MYT1L: variants seen among roughly 807,000 people sequenced by gnomAD.
MYT1L encodes the protein myelin transcription factor 1 like.
MYT1L carries 12 observed loss-of-function variants against 126.7 expected under a neutral mutation model. That is an observed-to-expected ratio of 0.09 (90% CI 0.06 to 0.15). The LOEUF (loss-of-function observed/expected upper bound fraction) is 0.15. Ranked by LOEUF, MYT1L falls within the 10% of genes least tolerant of loss-of-function variation. The pLI is 1.00. For missense variants in MYT1L, 979 were observed against 1,585.2 expected, an observed-to-expected ratio of 0.62 and a Z score of 6.49; for synonymous variants, 541 against 604.2, an observed-to-expected ratio of 0.90 and a Z score of 1.53.
chr2:1,898,696 C>T (rs898482651), intron 14 of MYT1L, among the ~76,000 whole-genome samples: 18 of 152,192 alleles, frequency 1.2e-4, no homozygotes, highest in African/African-American at 3.1e-4. Context: ...GCTCCATGGA[C>T]GCAGGCAGCT....
chr2:1,982,304 C>T (rs1017748009), intron 5 of MYT1L, among the ~76,000 whole-genome samples: 2 of 152,126 alleles, frequency 1.3e-5, no homozygotes, highest in Admixed American at 6.5e-5. Flanking sequence ...TCCCAGGGTC[C>T]CCTGCCTTTG....
chr2:2,020,385 G>A (rs546310055), intron 4 of MYT1L, among the ~76,000 whole-genome samples: 160 of 152,218 alleles, frequency 1.1e-3, no homozygotes, highest in Non-Finnish European at 1.7e-3. Context: ...CCAAGGAGTC[G>A]CCCTTCAGAG....
intron 4 of MYT1L, among the ~76,000 whole-genome samples, chr2:2,026,438 G>A (rs377023155): frequency 4.6e-5 from 7 of 152,278 alleles, no homozygotes; most frequent in African/African-American, 1.7e-4. Context: ...TTCTAGCAGG[G>A]GTGGCCCGGG....
chr2:1,917,104 C>T lies in MYT1L; in HGVS notation c.1618+101G>A. ...GTAGGGGCCTAGTTAAATCAGGTCG[C>T]ACCGAGCCGTACAATGGAGATGATG... On this transcript the variant is annotated intron_variant, in intron 11 of 24. Transcript: ENST00000647738. This position sits in a 1 kb window ranked among gnomAD's most constrained non-coding sequence, Gnocchi z 5.9. 7.1e-7 allele frequency: 1 copy of T among 1,406,860 alleles called. No homozygotes were observed. Among genetic ancestry groups the T allele is most frequent in the Non-Finnish European group, 9.6e-7 (1 of 1,041,586 alleles). 87.1% of individuals were successfully genotyped at this position (1,406,860 alleles called of 1,614,324 possible). A position where few individuals can be genotyped will look rare whatever the true frequency, so the allele number is the denominator to read the frequency against.
intron 5 of MYT1L, among the ~76,000 whole-genome samples, chr2:1,983,769 C>T (rs1008875516): frequency 6.6e-6 from 1 of 152,228 alleles, no homozygotes; most frequent in Non-Finnish European, 1.5e-5. Flanking sequence ...GCTTCACTTA[C>T]TGAACCCGTG....
At chr2:1,861,568 TG>T (rs934599290) in intron 18 of MYT1L, among the ~76,000 whole-genome samples, 6 of 151,916 alleles carry the variant, frequency 3.9e-5, no homozygotes, top group South Asian at 2.1e-4. Flanking sequence ...AATCGGGGTT[TG>T]GGGGGGTGTT....
intron 2 of MYT1L, among the ~76,000 whole-genome samples, chr2:2,175,274 G>A (rs1039401974): frequency 6.6e-6 from 1 of 152,084 alleles, no homozygotes; most frequent in Non-Finnish European, 1.5e-5. Context: ...TTTTCCTGGA[G>A]GTATCAGCAT....
intron 2 of MYT1L, among the ~76,000 whole-genome samples, chr2:2,204,410 T>C (rs2093222097): frequency 6.7e-6 from 1 of 149,764 alleles, no homozygotes; most frequent in Non-Finnish European, 1.5e-5. Flanking sequence ...CAAACAAATT[T>C]ACAAGAAAAA....
chr2:2,303,243 G>C (rs184564722), intron 1 of MYT1L, among the ~76,000 whole-genome samples: 6 of 152,174 alleles, frequency 3.9e-5, no homozygotes, highest in Non-Finnish European at 8.8e-5. Context: ...AAAGCGGATC[G>C]CTCAACTTTG....
chr2:1,886,647 A>G (rs1432393212), intron 17 of MYT1L, 40 bp from the exon 18 acceptor site: 4 of 1,395,512 alleles, frequency 2.9e-6, no homozygotes, highest in Non-Finnish European at 3.8e-6. Flanking sequence ...GTCAACTGCG[A>G]AGCGCGTAAC....
At chr2:2,277,999 A>C (rs1214832026) in intron 2 of MYT1L, among the ~76,000 whole-genome samples, 1 of 152,232 alleles carries the variant, frequency 6.6e-6, no homozygotes, top group African/African-American at 2.4e-5. Context: ...TGGTTGCAAA[A>C]TAGAAAAGGT....
intron 3 of MYT1L, among the ~76,000 whole-genome samples, chr2:2,161,409 TG>T (rs1430783030): frequency 6.6e-6 from 1 of 152,248 alleles, no homozygotes; most frequent in Non-Finnish European, 1.5e-5. Context: ...CATGCTCACT[TG>T]GATTTGCTTC....
intron 1 of MYT1L, among the ~76,000 whole-genome samples, chr2:2,328,625 C>A (rs1301600433): frequency 2.0e-5 from 3 of 152,192 alleles, no homozygotes; most frequent in Non-Finnish European, 4.4e-5. Context: ...GTGTGTCATG[C>A]ATACTTTCTA....
At chr2:2,058,257 C>T (rs1167952629) in intron 3 of MYT1L, among the ~76,000 whole-genome samples, 2 of 151,998 alleles carry the variant, frequency 1.3e-5, no homozygotes, top group Admixed American at 6.6e-5. Flanking sequence ...TGTCTTTTGC[C>T]CATTTTCTTA....
chr2:2,317,581 C>T lies in MYT1L; in HGVS notation c.-521+13386G>A, dbSNP rs1445394323. ...TCTAGGTTGACTATGTGTGGAAAAT[C>T]TCACTTAGAAAATTAAAAAAGACAA... On this transcript the variant is annotated intron_variant, in intron 1 of 24. Coordinates refer to ENST00000647738, the MANE Select transcript of MYT1L (RefSeq NM_001303052.2). Among the ~76,000 whole-genome samples, 5 of 151,834 alleles carry T rather than the reference C, an allele frequency of 3.3e-5. 1 individual carries two copies. The highest frequency in any genetic ancestry group is 2.6e-4 in the Admixed American group (4 of 15,238).
chr2:2,171,141 T>C (rs2089998052), intron 3 of MYT1L, among the ~76,000 whole-genome samples: 1 of 152,150 alleles, frequency 6.6e-6, no homozygotes, highest in African/African-American at 2.4e-5. Context: ...TTTCAGCTGC[T>C]AGAACCTCGA....
At chr2:2,037,430 T>A (rs1356104662) in intron 4 of MYT1L, among the ~76,000 whole-genome samples, 3 of 151,822 alleles carry the variant, frequency 2.0e-5, no homozygotes, top group Non-Finnish European at 4.4e-5. Context: ...AAACAAGTAA[T>A]CAGATTCAGT....
At chr2:1,813,960 G>A (rs1370988340) in intron 21 of MYT1L, among the ~76,000 whole-genome samples, 1 of 136,772 alleles carries the variant, frequency 7.3e-6, no homozygotes, top group Admixed American at 7.6e-5. Flanking sequence ...CCGGGAGGCG[G>A]AGCTTGCAGT....
intron 2 of MYT1L, among the ~76,000 whole-genome samples, chr2:2,235,030 C>T (rs1037412011): frequency 3.3e-5 from 5 of 152,172 alleles, no homozygotes; most frequent in African/African-American, 1.2e-4. Context: ...CTTCCATTGT[C>T]TCTTGTCTGC....
Sources: allele counts gnomAD v4.1 joint callset (sites outside exome capture counted in the v4.1 genomes callset), GRCh38; gene constraint gnomAD v4.1.1; non-coding constraint Gnocchi (gnomAD v3.1); transcripts MANE v1.5; gene names NCBI Gene and HGNC (gene_info 2026-07-23, HGNC 2026-07-21).